IGSF11: variants seen among roughly 807,000 people sequenced by gnomAD.
IGSF11 encodes the protein CXADR like 1.
In IGSF11, 22 loss-of-function variants were observed where a neutral mutation model predicts 41.0. The observed-to-expected ratio is 0.54, with a 90% CI of 0.38 to 0.77. The LOEUF is 0.77. Ranked by LOEUF, IGSF11 falls within the 30% of genes least tolerant of loss-of-function variation. IGSF11 has a pLI of 0.00. For synonymous variants in IGSF11, 219 were observed against 201.3 expected, an observed-to-expected ratio of 1.09 and a Z score of -0.74; for missense variants, 444 against 530.8, an observed-to-expected ratio of 0.84 and a Z score of 1.61.
chr3:118,927,058 A>C (rs1576389172), intron 3 of IGSF11, among the ~76,000 whole-genome samples: 1 of 152,296 alleles, frequency 6.6e-6, no homozygotes, highest in East Asian at 1.9e-4. Context: ...ATGAATGAAA[A>C]AATGAATGCA....
chr3:119,106,795 T>A (rs927630845), upstream of IGSF11, among the ~76,000 whole-genome samples: 8 of 152,054 alleles, frequency 5.3e-5, 1 homozygote, highest in South Asian at 6.3e-4. Context: ...TGTCCATGTG[T>A]TCTCATTGTT....
chr3:119,117,160 A>T (rs543505720), intron 1 of IGSF11, among the ~76,000 whole-genome samples: 1 of 151,912 alleles, frequency 6.6e-6, no homozygotes, highest in Admixed American at 6.6e-5. Context: ...CCCTCAGATG[A>T]TTACACATGG....
intron 1 of IGSF11, among the ~76,000 whole-genome samples, chr3:119,113,946 C>A (rs1379384547): frequency 6.6e-6 from 1 of 152,258 alleles, no homozygotes; most frequent in Non-Finnish European, 1.5e-5. Flanking sequence ...GTGGAAACCA[C>A]CAAGGCTTAC....
chr3:119,045,721 C>G (rs1215713058), intron 1 of IGSF11, among the ~76,000 whole-genome samples: 1 of 152,034 alleles, frequency 6.6e-6, no homozygotes, highest in Non-Finnish European at 1.5e-5. Context: ...ACAGCAGTAA[C>G]CTCTGCACAC....
rs1190904798 is a variant in IGSF11 at position 118,948,043 on chromosome 3, C to A, written c.53-17768G>T. 3.9e-5 allele frequency: 6 copies of A among 152,218 alleles called. No individual in the cohort carries two copies. In the East Asian group the frequency reaches 1.2e-3, roughly 29 times the overall value. 9.4% of individuals were successfully genotyped at this position (152,218 alleles called of 1,614,324 possible). ...TCTAAACATACGCAAATTCTATGAA[C>A]CAGCAATTCTATCCCGTGTATGTGT... On this transcript the variant is annotated intron_variant, in intron 1 of 6. Coordinates refer to ENST00000393775, the MANE Select transcript of IGSF11 (RefSeq NM_001015887.3).
chr3:119,131,638 T>A (rs2077483326), intron 1 of IGSF11, among the ~76,000 whole-genome samples: 1 of 152,150 alleles, frequency 6.6e-6, no homozygotes, highest in South Asian at 2.1e-4. Flanking sequence ...CAGGATATTA[T>A]CTAGGAGAAC....
chr3:118,947,123 C>G (rs1236008975), intron 1 of IGSF11: 1 of 152,258 alleles, frequency 6.6e-6, no homozygotes, highest in Non-Finnish European at 1.5e-5. Flanking sequence ...CTCTGATATA[C>G]TGAACCCAAC....
At chr3:119,131,014 C>CA (rs1189294927) in intron 1 of IGSF11, among the ~76,000 whole-genome samples, 3 of 151,626 alleles carry the variant, frequency 2.0e-5, no homozygotes, top group Admixed American at 1.3e-4. Context: ...ACATCAACAA[C>CA]AAAAAAATCC....
chr3:119,121,578 A>C (rs2077333724), intron 1 of IGSF11, among the ~76,000 whole-genome samples: 1 of 152,168 alleles, frequency 6.6e-6, no homozygotes, highest in African/African-American at 2.4e-5. Flanking sequence ...ATATACAAGA[A>C]ACTACCAAGT....
In IGSF11 at chr3:118,902,010, G is replaced by A. The variant is rs1278638115; in HGVS notation, c.*510C>T. 1 of 152,366 alleles carries A rather than the reference G, an allele frequency of 6.6e-6. No individual in the cohort carries two copies. The highest frequency in any genetic ancestry group is 2.4e-5 in the African/African-American group (1 of 41,440). The allele number at this position is 152,366 out of a possible 1,614,324, so 9.4% of individuals were successfully genotyped here. On this transcript the variant is annotated 3_prime_UTR_variant, in exon 7 of 7. Transcript: ENST00000393775. Reference sequence around the variant, plus strand: ...AAAAAGTTTTGATTATATGATAGAAGAGTCAGCCCTGTTGGGACCAATATT... The same window carrying A: ...AAAAAGTTTTGATTATATGATAGAAAAGTCAGCCCTGTTGGGACCAATATT...
chr3:119,096,033 A>G (rs190089186), intron 1 of IGSF11, among the ~76,000 whole-genome samples: 1 of 151,754 alleles, frequency 6.6e-6, no homozygotes, highest in Non-Finnish European at 1.5e-5. Context: ...GAATTCCTTA[A>G]GGATGAAAAC....
chr3:118,969,023 T>C (rs925503434), intron 1 of IGSF11, among the ~76,000 whole-genome samples: 1 of 152,166 alleles, frequency 6.6e-6, no homozygotes, highest in Non-Finnish European at 1.5e-5. Flanking sequence ...AATTTTTCAG[T>C]ATCTGCTCTA....
At chr3:118,923,862 C>A (rs1942058494) in intron 4 of IGSF11, among the ~76,000 whole-genome samples, 1 of 152,144 alleles carries the variant, frequency 6.6e-6, no homozygotes, top group South Asian at 2.1e-4. Flanking sequence ...TACGTGATAG[C>A]AGTTTGTCAC....
chr3:118,982,245 T>C (rs923148420), intron 1 of IGSF11, among the ~76,000 whole-genome samples: 1 of 152,188 alleles, frequency 6.6e-6, no homozygotes, highest in African/African-American at 2.4e-5. Context: ...AGGGCAGAGC[T>C]AGAGTTTCTA....
At chr3:119,001,640 G>C (rs1173688053) in intron 1 of IGSF11, among the ~76,000 whole-genome samples, 2 of 108,726 alleles carry the variant, frequency 1.8e-5, no homozygotes, top group African/African-American at 3.6e-5. Flanking sequence ...CCCCACAACA[G>C]TCCCCAGAGT....
At chr3:119,096,703 C>T (rs1462796338) in intron 1 of IGSF11, among the ~76,000 whole-genome samples, 1 of 152,188 alleles carries the variant, frequency 6.6e-6, no homozygotes. Flanking sequence ...GAAATTCAAA[C>T]ATGACTTTAC....
At chr3:118,992,397 A>G (rs1241028389) in intron 1 of IGSF11, among the ~76,000 whole-genome samples, 2 of 152,250 alleles carry the variant, frequency 1.3e-5, no homozygotes, top group Non-Finnish European at 2.9e-5. Flanking sequence ...ATTTCAGCAC[A>G]TAGTTAATTT....
At chr3:118,984,495 A>C (rs924627219) in intron 1 of IGSF11, among the ~76,000 whole-genome samples, 3 of 152,176 alleles carry the variant, frequency 2.0e-5, no homozygotes, top group Non-Finnish European at 4.4e-5. Context: ...AGTAGGGTAT[A>C]GTGATTGGAT....
At chr3:119,024,541 C>T (rs1352403348) in intron 1 of IGSF11, among the ~76,000 whole-genome samples, 1 of 151,894 alleles carries the variant, frequency 6.6e-6, no homozygotes, top group Non-Finnish European at 1.5e-5. Context: ...CTTGAAAATG[C>T]AAAAAAAGAA....
Sources: allele counts gnomAD v4.1 joint callset (sites outside exome capture counted in the v4.1 genomes callset), GRCh38; gene constraint gnomAD v4.1.1; transcripts MANE v1.5; gene names NCBI Gene and HGNC (gene_info 2026-07-23, HGNC 2026-07-21).